ZNF397: variants seen among roughly 807,000 people sequenced by gnomAD.
ZNF397 encodes the protein zinc finger and SCAN domain-containing protein 15.
Under a neutral mutation model 50.6 loss-of-function variants are expected in ZNF397, and 38 were observed. That is an observed-to-expected ratio of 0.75 (90% CI 0.58 to 0.98). The LOEUF (loss-of-function observed/expected upper bound fraction) is 0.98, where lower values mean the gene tolerates loss of function less well. Among genes scored for constraint, ZNF397 ranks in the 50% least tolerant of loss-of-function variants. The pLI is 0.00. For synonymous variants in ZNF397, 228 were observed against 215.2 expected, an observed-to-expected ratio of 1.06 and a Z score of -0.52; for missense variants, 624 against 624.1, an observed-to-expected ratio of 1.00 and a Z score of 0.00.
intron 5 of ZNF397, chr18:35,256,901 G>A (rs551412223): frequency 2.6e-5 from 4 of 152,414 alleles, no homozygotes; most frequent in Non-Finnish European, 5.9e-5. Flanking sequence ...AGTCTCCCCA[G>A]TAACTAAGAG....
Position 35,246,287 on chromosome 18 carries a change from CAA to C in ZNF397, c.1584_1585del (p.Arg529SerfsTer13), listed in dbSNP as rs1211517095. The C allele has an allele frequency of 4.5e-6, 7 of 1,548,344 alleles. No homozygotes were observed. Among genetic ancestry groups the C allele is most frequent in the East Asian group, 4.9e-5 (2 of 40,894 alleles). On this transcript the variant is annotated frameshift_variant, in exon 4 of 4. Coordinates refer to ENST00000330501, the MANE Select transcript of ZNF397 (RefSeq NM_001135178.3). LOFTEE classifies it high-confidence loss of function. Reference protein sequence around the residue: ...FRHRSVLMRHQRVHTIK With the variant: ...FRHRSVLMRHXRVHTIK Reference sequence around the variant, plus strand: ...GCACAGATCGGTCCTTATGCGCCATCAAAGAGTCCACACTATAAAGTAATTTG... The same window carrying C: ...GCACAGATCGGTCCTTATGCGCCATCAGAGTCCACACTATAAAGTAATTTG...
chr18:35,246,365 G>C lies in ZNF397; in HGVS notation c.*55G>C, dbSNP rs1246775944. The C allele has an allele frequency of 4.8e-6, 7 of 1,468,912 alleles. No homozygotes were observed. In the Admixed American group the frequency reaches 1.7e-4, roughly 35 times the overall value. 91.0% of individuals were successfully genotyped at this position (1,468,912 alleles called of 1,614,324 possible). ...TTCAGTCAGATTTTTAAGTTTGTTA[G>C]TCAAAAGAGTTTACTTTGGAGCAAA... On this transcript the variant is annotated 3_prime_UTR_variant, in exon 4 of 4. Transcript: ENST00000330501.
Position 35,246,188 on chromosome 18 carries a change from G to A in ZNF397, c.1483G>A (p.Ala495Thr). The change falls in exon 4 of 4, where the codon GCC (alanine) becomes ACC (threonine). Residue 495 changes from alanine (A) to threonine (T), a missense_variant. Transcript: ENST00000330501. ...TGGCAAAACTTTCAAAAGGAGCTCA[G>A]CCCTTGTTCAGCATCAGAGAATTCA... is the stretch of plus-strand genomic sequence containing the variant. The part of the protein sequence containing the change: ...ECGKTFKRSS[A>T]LVQHQRIHSG... The A allele has an allele frequency of 6.4e-7, 1 of 1,551,912 alleles. No individual in the cohort carries two copies.
chr18:35,254,395 T>C (rs1289922202), downstream of ZNF397: 7 of 1,613,846 alleles, frequency 4.3e-6, no homozygotes, highest in Non-Finnish European at 5.9e-6. Flanking sequence ...AAAATGTGAA[T>C]AGAAAGTGTA....
rs1052291997 is a variant in ZNF397, at chr18:35,248,822, A to G, written c.*2512A>G. Reference sequence around the variant, plus strand: ...ACACCACTGCACTCCAGCCTGGGAGAGCAAGACCCTGTCTCCAAACCAAAA... The same window carrying G: ...ACACCACTGCACTCCAGCCTGGGAGGGCAAGACCCTGTCTCCAAACCAAAA... On this transcript the variant is annotated 3_prime_UTR_variant, in exon 4 of 4. Transcript: ENST00000330501. The G allele has an allele frequency of 1.3e-5, 2 of 152,134 alleles. No individual in the cohort carries two copies. The highest frequency in any genetic ancestry group is 4.8e-5 in the African/African-American group (2 of 41,404). The allele number at this position is 152,134 out of a possible 1,614,324, so 9.4% of individuals were successfully genotyped here.
Position 35,249,504 on chromosome 18 carries a change from A to G in ZNF397, c.*3194A>G, listed in dbSNP as rs1037876188. Reference sequence around the variant, plus strand: ...CCGTCTCTACTAAAAATACAAAACAATTAGCTGGTGTGGTGGCATGTGCCT... The same window carrying G: ...CCGTCTCTACTAAAAATACAAAACAGTTAGCTGGTGTGGTGGCATGTGCCT... On this transcript the variant is annotated 3_prime_UTR_variant, in exon 4 of 4. Transcript: ENST00000330501. The G allele has an allele frequency of 2.0e-5, 3 of 151,702 alleles. No homozygotes were observed. The highest frequency in any genetic ancestry group is 7.3e-5 in the African/African-American group (3 of 41,284). The allele number at this position is 151,702 out of a possible 1,614,324, so 9.4% of individuals were successfully genotyped here. A position where few individuals can be genotyped will look rare whatever the true frequency, so the allele number is the denominator to read the frequency against.
downstream of ZNF397, chr18:35,252,034 C>T (rs905716927): frequency 6.6e-6 from 1 of 152,160 alleles, no homozygotes; most frequent in Non-Finnish European, 1.5e-5. Flanking sequence ...ATAGCCCATA[C>T]AATGGCATGA....
In ZNF397 at chr18:35,249,675, A is replaced by T. The variant is rs1046308542; in HGVS notation, c.*3365A>T. ...CTCAAAAAAAAAAAAAAAAAAAAAA[A>T]AAACACTGATGTCAATTAATATTAA... On this transcript the variant is annotated 3_prime_UTR_variant, in exon 4 of 4. Coordinates refer to ENST00000330501, the MANE Select transcript of ZNF397 (RefSeq NM_001135178.3). The T allele has an allele frequency of 2.1e-5, 3 of 144,532 alleles. No individual in the cohort carries two copies. The highest frequency in any genetic ancestry group is 4.5e-5 in the Non-Finnish European group (3 of 66,970). The allele number at this position is 144,532 out of a possible 1,614,324, so 9.0% of individuals were successfully genotyped here.
Position 35,245,951 on chromosome 18 carries a change from C to T in ZNF397, c.1246C>T (p.Gln416Ter), listed in dbSNP as rs2043472510. The change falls in exon 4 of 4, where the codon CAG becomes TAG. Residue 416 changes from glutamine (Q) to a stop codon, truncating the protein, a stop_gained. Coordinates refer to ENST00000330501, the MANE Select transcript of ZNF397 (RefSeq NM_001135178.3). LOFTEE classifies it high-confidence loss of function. ...FSQSSKLIRH[Q>*]RIHTGERPYE... ...CCAGAGCTCAAAACTCATTAGACAT[C>T]AGCGAATTCACACAGGAGAGAGACC... The T allele has an allele frequency of 6.3e-7, 1 of 1,580,894 alleles. No homozygotes were observed. Among genetic ancestry groups the T allele is most frequent in the Non-Finnish European group, 8.6e-7 (1 of 1,163,162 alleles).
rs7505349 is a variant in ZNF397, at chr18:35,247,257, A to G, written c.*947A>G. 0.51 allele frequency: 442,931 copies of G among 860,372 alleles called. 116,713 individuals carry two copies. The highest frequency in any genetic ancestry group is 0.54 in the Non-Finnish European group (386,525 of 716,018). The allele number at this position is 860,372 out of a possible 1,614,324, so 53.3% of individuals were successfully genotyped here. On this transcript the variant is annotated 3_prime_UTR_variant, in exon 4 of 4. Transcript: ENST00000330501. ...GAGCCCTTGGGCCACAGGGTAGTCA[A>G]GAGCTTTGTCTTGGTTTATGTGACC... is the stretch of plus-strand genomic sequence containing the variant.
At position 35,245,366 on chromosome 18, in the gene ZNF397, A is replaced by C. The variant is rs751710446; in HGVS notation, c.661A>C (p.Asn221His). ...TCGAGGAATTAGTGAGCATGAAAGCAATTTAGTGTGGAAGCAAGGAAGTGC... is the reference window on the plus strand; with the variant it reads ...TCGAGGAATTAGTGAGCATGAAAGCCATTTAGTGTGGAAGCAAGGAAGTGC... ...SFRGISEHES[N>H]LVWKQGSATG... The change falls in exon 4 of 4, where the codon AAT (asparagine) becomes CAT (histidine). Residue 221 changes from asparagine to histidine, a missense_variant. Asn to His is a moderately conservative substitution (Grantham distance 68, BLOSUM62 1). Transcript: ENST00000330501. 6.2e-7 allele frequency: 1 copy of C among 1,610,908 alleles called. No homozygotes were observed. The highest frequency in any genetic ancestry group is 8.5e-7 in the Non-Finnish European group (1 of 1,178,150).
chr18:35,253,753 G>A (rs775183294), downstream of ZNF397: 10 of 1,613,676 alleles, frequency 6.2e-6, no homozygotes, highest in Non-Finnish European at 8.5e-6. Flanking sequence ...AGCTCCGGCT[G>A]AAGGCCTTCC....
At position 35,241,124 on chromosome 18, in the gene ZNF397, C is replaced by G. The variant is rs1022107002; in HGVS notation, c.-81+15C>G. The G allele has an allele frequency of 6.6e-6, 1 of 152,272 alleles. No homozygotes were observed. Among genetic ancestry groups the G allele is most frequent in the Non-Finnish European group, 1.5e-5 (1 of 68,130 alleles). 9.4% of individuals were successfully genotyped at this position (152,272 alleles called of 1,614,324 possible). A position where few individuals can be genotyped will look rare whatever the true frequency, so the allele number is the denominator to read the frequency against. On this transcript the variant is annotated intron_variant, in intron 1 of 3. Transcript: ENST00000330501. Reference sequence around the variant, plus strand: ...TGGGCTTCGCGGTGAGGGACGTGGGCCCCTAGGAAGAGGGAGGTGGGGTTG... The same window carrying G: ...TGGGCTTCGCGGTGAGGGACGTGGGGCCCTAGGAAGAGGGAGGTGGGGTTG...
At position 35,245,965 on chromosome 18, in the gene ZNF397, A is replaced by G; in HGVS notation, c.1260A>G (p.Thr420=). 3.8e-6 allele frequency: 6 copies of G among 1,582,758 alleles called. No homozygotes were observed. The highest frequency in any genetic ancestry group is 5.2e-6 in the Non-Finnish European group (6 of 1,164,178). Residue 420 remains threonine (T), a synonymous_variant, in exon 4 of 4, where the codon ACA becomes ACG. Coordinates refer to ENST00000330501, the MANE Select transcript of ZNF397 (RefSeq NM_001135178.3). Reference sequence around the variant, plus strand: ...TCATTAGACATCAGCGAATTCACACAGGAGAGAGACCCTATGAATGTAATG... The same window carrying G: ...TCATTAGACATCAGCGAATTCACACGGGAGAGAGACCCTATGAATGTAATG... ...SKLIRHQRIH[T]GERPYECNEC...
At chr18:35,253,428 T>C, downstream of ZNF397, 1 of 1,527,918 alleles carries the variant, frequency 6.5e-7, no homozygotes, top group South Asian at 1.3e-5. Flanking sequence ...ATTTCACAAT[T>C]GTACAACTCT....
At chr18:35,250,127 G>A (rs578099692), downstream of ZNF397, among the ~76,000 whole-genome samples, 33 of 152,134 alleles carry the variant, frequency 2.2e-4, no homozygotes, top group Non-Finnish European at 4.3e-4. Context: ...ATAAATCTGG[G>A]TGCAAAAGGA....
At position 35,246,997 on chromosome 18, in the gene ZNF397, C is replaced by T. The variant is rs1289744341; in HGVS notation, c.*687C>T. 1.1e-6 allele frequency: 1 copy of T among 883,266 alleles called. No homozygotes were observed. Among genetic ancestry groups the T allele is most frequent in the Non-Finnish European group, 1.4e-6 (1 of 737,106 alleles). 54.7% of individuals were successfully genotyped at this position (883,266 alleles called of 1,614,324 possible). A position where few individuals can be genotyped will look rare whatever the true frequency, so the allele number is the denominator to read the frequency against. On this transcript the variant is annotated 3_prime_UTR_variant, in exon 4 of 4. Transcript: ENST00000330501. ...ATGTGACCTTAAGGAGCACCTGACT[C>T]AGCCTTGGATAAGGAAATGGGGGAA...
In ZNF397 at chr18:35,245,765, T is replaced by C; in HGVS notation, c.1060T>C (p.Ser354Pro). 6.4e-7 allele frequency: 1 copy of C among 1,552,174 alleles called. No homozygotes were observed. Among genetic ancestry groups the C allele is most frequent in the Non-Finnish European group, 8.7e-7 (1 of 1,147,178 alleles). Residue 354 changes from serine to proline, a missense_variant, in exon 4 of 4, where the codon TCA becomes CCA. Coordinates refer to ENST00000330501, the MANE Select transcript of ZNF397 (RefSeq NM_001135178.3). ...ATGTGGGAAAGCTTTCAATCAGAGC[T>C]CAGCCCTCATTAGACATCGGAAAAT... is the stretch of plus-strand genomic sequence containing the variant. ...SECGKAFNQS[S>P]ALIRHRKIHT...
rs1293858773 is a variant in ZNF397 at position 35,249,718 on chromosome 18, T to C, written c.*3408T>C. On this transcript the variant is annotated 3_prime_UTR_variant, in exon 4 of 4. Transcript: ENST00000330501. ...AATATTAAATGAAGTATTCATGATA[T>C]ATTGTTAAGTAAAAATATTACAAAA... is the stretch of plus-strand genomic sequence containing the variant. The C allele has an allele frequency of 2.0e-5, 3 of 149,482 alleles. No individual in the cohort carries two copies. Among genetic ancestry groups the C allele is most frequent in the African/African-American group, 7.4e-5 (3 of 40,628 alleles). 9.3% of individuals were successfully genotyped at this position (149,482 alleles called of 1,614,324 possible). A position where few individuals can be genotyped will look rare whatever the true frequency, so the allele number is the denominator to read the frequency against.
Sources: gnomAD v4.1 joint callset for allele counts (sites outside exome capture counted in the v4.1 genomes callset) on GRCh38, gnomAD v4.1.1 for gene constraint, MANE v1.5 for transcripts, NCBI Gene and HGNC (gene_info 2026-07-23, HGNC 2026-07-21) for gene names.